Variants in WDR20 observed in about 807,000 individuals in gnomAD.
WDR20 encodes WD repeat-containing protein 20.
A neutral mutation model predicts 38.7 loss-of-function variants in WDR20; 3 were observed. The ratio of observed to expected loss-of-function variants is 0.08; its 90% CI spans 0.04 to 0.20. The LOEUF is 0.20. Among genes scored for constraint, WDR20 ranks in the 10% least tolerant of loss-of-function variants. WDR20 has a pLI of 1.00. For synonymous variants in WDR20, 298 were observed against 285.6 expected (o/e 1.04, Z -0.44); for missense variants, 559 against 727.7 (o/e 0.77, Z 2.67).
At chr14:102,169,992 C>T (rs2060497303) in intron 1 of WDR20, among the ~76,000 whole-genome samples, 1 of 152,144 alleles carries the variant, frequency 6.6e-6, no homozygotes, top group Non-Finnish European at 1.5e-5. Context: ...CCCTGTCCCC[C>T]TCCTCTGAAG....
intron 1 of WDR20, chr14:102,193,466 A>G (rs761277085): frequency 1.9e-6 from 3 of 1,613,640 alleles, no homozygotes; most frequent in East Asian, 2.2e-5. Context: ...CCTCCAGACA[A>G]TCCCATGAGG....
intron 1 of WDR20, among the ~76,000 whole-genome samples, chr14:102,178,687 T>C (rs1471991630): frequency 6.6e-6 from 1 of 151,826 alleles, no homozygotes; most frequent in Admixed American, 6.6e-5. Context: ...CACTGCCTTA[T>C]AGGATCTAGT....
At chr14:102,161,142 ATTTT>A (rs1233679287) in intron 1 of WDR20, among the ~76,000 whole-genome samples, 35 of 16,040 alleles carry the variant, frequency 2.2e-3, no homozygotes, top group African/African-American at 8.0e-3. Flanking sequence ...ATATATATAT[ATTTT>A]TTTTTTTTTT....
intron 1 of WDR20, among the ~76,000 whole-genome samples, chr14:102,154,247 G>A (rs1371200942): frequency 1.3e-5 from 2 of 152,202 alleles, no homozygotes; most frequent in African/African-American, 4.8e-5. Context: ...CATAGATTAG[G>A]TAGCCTGTAA....
At chr14:102,195,189 C>T (rs2059201192) in intron 2 of WDR20, 69 bp downstream of exon 2, 6 of 1,549,078 alleles carry the variant, frequency 3.9e-6, no homozygotes, top group African/African-American at 2.7e-5. Flanking sequence ...CGAGGGTAGT[C>T]GGCCTTATTT....
intron 2 of WDR20, among the ~76,000 whole-genome samples, chr14:102,205,386 ACT>A (rs2061349039): frequency 6.6e-6 from 1 of 152,186 alleles, no homozygotes; most frequent in Non-Finnish European, 1.5e-5. Flanking sequence ...GCACAAAGAC[ACT>A]CTGGAGAGAG....
downstream of WDR20, among the ~76,000 whole-genome samples, chr14:102,215,548 C>G (rs570721525): frequency 1.9e-3 from 285 of 152,190 alleles, no homozygotes; most frequent in Middle Eastern, 6.8e-3. Context: ...TGGTTTGTTG[C>G]GCCCATCAAC....
intron 2 of WDR20, among the ~76,000 whole-genome samples, chr14:102,200,247 T>C (rs974460829): frequency 6.6e-6 from 1 of 152,184 alleles, no homozygotes; most frequent in Non-Finnish European, 1.5e-5. Flanking sequence ...AGATTTTGGG[T>C]TTCTGTTTGT....
intron 1 of WDR20, among the ~76,000 whole-genome samples, chr14:102,185,814 CA>C (rs11317533): frequency 0.36 from 40,579 of 112,398 alleles, 8,917 homozygotes; most frequent in African/African-American, 0.68. Context: ...GACTCCATCT[CA>C]AAAAAAAAAA....
At position 102,209,233 on chromosome 14, in the gene WDR20, C is replaced by T. The variant is rs575647715; in HGVS notation, c.1063C>T (p.Arg355Trp). The T allele has an allele frequency of 3.2e-5, 51 of 1,614,044 alleles. No individual in the cohort carries two copies. The highest frequency in any genetic ancestry group is 1.6e-4 in the Middle Eastern group (1 of 6,084). ...ANSTQSRLSK[R>W]NSTDSRPVSV... Reference sequence around the variant, plus strand: ...TAGTACACAGTCCAGGCTCTCCAAACGGAACTCTACAGACAGCCGCCCCGT... The same window carrying T: ...TAGTACACAGTCCAGGCTCTCCAAATGGAACTCTACAGACAGCCGCCCCGT... Residue 355 changes from arginine to tryptophan, a missense_variant, in exon 3 of 3, where the codon CGG becomes TGG. Physicochemically the swap from Arg to Trp is moderately radical, Grantham distance 101. Transcript: ENST00000342702. This position sits in a 1 kb window ranked among gnomAD's most constrained non-coding sequence, Gnocchi z 6.0.
At chr14:102,154,776 C>T (rs1214245143) in intron 1 of WDR20, among the ~76,000 whole-genome samples, 1 of 151,936 alleles carries the variant, frequency 6.6e-6, no homozygotes, top group Non-Finnish European at 1.5e-5. Flanking sequence ...TGTATGCTAT[C>T]CTTGATTATT....
At chr14:102,166,768 C>T (rs930491932) in intron 1 of WDR20, among the ~76,000 whole-genome samples, 1 of 152,224 alleles carries the variant, frequency 6.6e-6, no homozygotes, top group Admixed American at 6.5e-5. Flanking sequence ...TCTTGTCACT[C>T]ATGAGACTGT....
chr14:102,164,227 C>T (rs929723684), intron 1 of WDR20, among the ~76,000 whole-genome samples: 4 of 152,168 alleles, frequency 2.6e-5, no homozygotes, highest in Admixed American at 1.3e-4. Context: ...CTCTCTCTTC[C>T]TCATGGCCAT....
intron 1 of WDR20, among the ~76,000 whole-genome samples, chr14:102,187,435 A>T (rs954848698): frequency 6.6e-6 from 1 of 151,962 alleles, no homozygotes; most frequent in Non-Finnish European, 1.5e-5. Context: ...AGGACATGAC[A>T]TCTCTGCTTT....
At chr14:102,204,152 A>G (rs1451882169) in intron 2 of WDR20, among the ~76,000 whole-genome samples, 1 of 152,100 alleles carries the variant, frequency 6.6e-6, no homozygotes, top group Non-Finnish European at 1.5e-5. Context: ...AACGGGAGAC[A>G]GCATGCTCGC....
At chr14:102,140,371 TG>T (rs1175870761) in intron 1 of WDR20, among the ~76,000 whole-genome samples, 199 bp downstream of exon 1, 3 of 127,736 alleles carry the variant, frequency 2.3e-5, no homozygotes, top group Non-Finnish European at 5.0e-5. Flanking sequence ...TTCGAAGGGG[TG>T]GGGGCAGTGG....
chr14:102,201,370 G>T (rs1170550977), intron 2 of WDR20, among the ~76,000 whole-genome samples: 1 of 151,614 alleles, frequency 6.6e-6, no homozygotes, highest in Admixed American at 6.6e-5. Context: ...TGATAGTAAT[G>T]AAAAAAAAGA....
chr14:102,195,180 G>GAGGGT, intron 2 of WDR20, 60 bp downstream of exon 2: 1 of 1,564,590 alleles, frequency 6.4e-7, no homozygotes, highest in African/African-American at 1.4e-5. Context: ...CATTCTTACC[G>GAGGGT]AGGGTAGTCG....
At chr14:102,162,261 GCA>G (rs2058905765) in intron 1 of WDR20, among the ~76,000 whole-genome samples, 1 of 152,186 alleles carries the variant, frequency 6.6e-6, no homozygotes, top group South Asian at 2.1e-4. Context: ...CACATTGAGT[GCA>G]CCTTTGACTG....
Sources: gnomAD v4.1 joint callset for allele counts (sites outside exome capture counted in the v4.1 genomes callset) on GRCh38, gnomAD v4.1.1 for gene constraint, Gnocchi (gnomAD v3.1) non-coding constraint, MANE v1.5 for transcripts, NCBI Gene and HGNC (gene_info 2026-07-23, HGNC 2026-07-21) for gene names.